Variants in ITPR2 observed in about 807,000 individuals in gnomAD.
ITPR2 encodes inositol 1,4,5-trisphosphate receptor type 2.
A neutral mutation model predicts 317.1 loss-of-function variants in ITPR2; 207 were observed. The ratio of observed to expected loss-of-function variants is 0.65; its 90% CI spans 0.58 to 0.73. The LOEUF is 0.73. ITPR2 is among the 30% of genes least tolerant of loss of function. The pLI is 0.00. For missense variants in ITPR2, 2,613 were observed against 3,284.0 expected (o/e 0.80, Z 4.99); for synonymous variants, 1,156 against 1,149.1 (o/e 1.01, Z -0.12).
chr12:26,464,439 G>C (rs568061940), intron 45 of ITPR2, among the ~76,000 whole-genome samples: 1 of 152,270 alleles, frequency 6.6e-6, no homozygotes, highest in East Asian at 1.9e-4. Flanking sequence ...TAGCGCCACT[G>C]ATCTAAGAGG....
At chr12:26,496,989 C>T (rs1481679278) in intron 37 of ITPR2, among the ~76,000 whole-genome samples, 1 of 151,594 alleles carries the variant, frequency 6.6e-6, no homozygotes, top group African/African-American at 2.4e-5. Context: ...CATTTAAGCT[C>T]CAAATTTAAG....
intron 18 of ITPR2, among the ~76,000 whole-genome samples, chr12:26,657,371 A>G (rs546056853): frequency 6.6e-6 from 1 of 152,274 alleles, no homozygotes; most frequent in East Asian, 1.9e-4. Context: ...CAATTTCCTT[A>G]GCTCCATGTC....
intron 1 of ITPR2, among the ~76,000 whole-genome samples, chr12:26,829,808 T>C (rs1172173065): frequency 1.3e-5 from 2 of 152,236 alleles, no homozygotes; most frequent in African/African-American, 4.8e-5. Flanking sequence ...TCTGAAGTAC[T>C]ACAAAGTTAT....
chr12:26,715,997 T>C (rs996093876), intron 6 of ITPR2, 147 bp downstream of exon 6: 1 of 697,598 alleles, frequency 1.4e-6, no homozygotes, highest in Non-Finnish European at 2.4e-6. Flanking sequence ...TAGCAATAAC[T>C]AATCACAGCT....
chr12:26,442,010 TATCAC>T (rs2136735248), intron 46 of ITPR2, among the ~76,000 whole-genome samples: 2 of 152,208 alleles, frequency 1.3e-5, no homozygotes, highest in Non-Finnish European at 2.9e-5. Flanking sequence ...CCATCTTCGA[TATCAC>T]CTCTCACTTT....
At chr12:26,791,087 G>A (rs761438284) in intron 1 of ITPR2, among the ~76,000 whole-genome samples, 1 of 152,124 alleles carries the variant, frequency 6.6e-6, no homozygotes, top group African/African-American at 2.4e-5. Flanking sequence ...TGCCTTTGTA[G>A]CTACAACAAC....
chr12:26,805,972 C>G (rs1036451395), intron 1 of ITPR2, among the ~76,000 whole-genome samples: 15 of 152,070 alleles, frequency 9.9e-5, no homozygotes, highest in African/African-American at 3.6e-4. Context: ...ATCCCTCTGG[C>G]TGCTGGGTTG....
At chr12:26,497,185 G>GCT (rs1381035180) in intron 37 of ITPR2, among the ~76,000 whole-genome samples, 8 of 132,840 alleles carry the variant, frequency 6.0e-5, no homozygotes, top group Admixed American at 3.2e-4. Context: ...ACGGAGTCTC[G>GCT]CTCTGTGGCC....
chr12:26,761,698 G>A (rs775379853), intron 2 of ITPR2, among the ~76,000 whole-genome samples: 10 of 152,230 alleles, frequency 6.6e-5, no homozygotes, highest in Non-Finnish European at 1.5e-4. Context: ...TCAGGAGACT[G>A]AGGCAGGAGG....
chr12:26,556,185 C>T lies in ITPR2; in HGVS notation c.4964+48G>A, dbSNP rs369784085. 9.4e-6 allele frequency: 15 copies of T among 1,592,032 alleles called. 1 individual carries two copies. In the African/African-American group the frequency reaches 1.9e-4, roughly 20 times the overall value. On this transcript the variant is annotated intron_variant, in intron 36 of 56. Coordinates refer to ENST00000381340, the MANE Select transcript of ITPR2 (RefSeq NM_002223.4). The stretch of plus-strand genomic sequence containing the variant: ...AGTATAAAGCGGAAATGTTAGAGGC[C>T]ATGTCAGTTTGACGACACTAGCAGA...
At position 26,580,125 on chromosome 12, in the gene ITPR2, C is replaced by T. The variant is rs370378907; in HGVS notation, c.4411G>A (p.Ala1471Thr). ...ACACACTTTTCCAAAAAGATGTCTG[C>T]ATGTTTCCTGTCTGTAGTTGTGTTG... is the stretch of plus-strand genomic sequence containing the variant. ...VCNTTTDRKH[A>T]DIFLEKCVTE... Residue 1471 changes from alanine (A) to threonine (T), a missense_variant, in exon 33 of 57, where the codon GCA (alanine) becomes ACA (threonine). Physicochemically the swap from Ala to Thr is moderately conservative, Grantham distance 58 (BLOSUM62 0). Transcript: ENST00000381340. 3.7e-6 allele frequency: 6 copies of T among 1,612,380 alleles called. No homozygotes were observed. The highest frequency in any genetic ancestry group is 1.7e-5 in the Admixed American group (1 of 59,962).
intron 32 of ITPR2, among the ~76,000 whole-genome samples, chr12:26,593,729 A>AC (rs1945763438): frequency 1.2e-5 from 1 of 85,680 alleles, no homozygotes; most frequent in African/African-American, 3.7e-5. Flanking sequence ...AATCATTGCT[A>AC]TTTTTTTGTT....
intron 1 of ITPR2, among the ~76,000 whole-genome samples, chr12:26,826,983 A>G (rs1400320099): frequency 6.6e-6 from 1 of 152,208 alleles, no homozygotes; most frequent in Non-Finnish European, 1.5e-5. Flanking sequence ...GACAAATCCT[A>G]GTATAGAAAA....
intron 2 of ITPR2, among the ~76,000 whole-genome samples, chr12:26,767,005 C>A (rs1251276349): frequency 1.3e-5 from 2 of 151,990 alleles, no homozygotes; most frequent in Non-Finnish European, 2.9e-5. Context: ...ATTATTTTTT[C>A]CTCCTATAAT....
Position 26,658,022 on chromosome 12 carries a change from G to C in ITPR2, c.1995C>G (p.Leu665=). ...TTATCTGGGCTTACTTAGTTTGAAT[G>C]AGAATGTCTGCATTGCCTGGACTCA... ...FMLSPGNADI[L]IQTKVVSMQA... is the part of the protein sequence containing the mutation. Residue 665 remains leucine, a synonymous_variant, in exon 17 of 57, where the codon CTC becomes CTG. Coordinates refer to ENST00000381340, the MANE Select transcript of ITPR2 (RefSeq NM_002223.4). 1 of 1,610,944 alleles carries C rather than the reference G, an allele frequency of 6.2e-7. No homozygotes were observed. The highest frequency in any genetic ancestry group is 8.5e-7 in the Non-Finnish European group (1 of 1,179,032).
At chr12:26,626,895 G>A (rs530683872) in intron 23 of ITPR2, among the ~76,000 whole-genome samples, 2 of 152,144 alleles carry the variant, frequency 1.3e-5, no homozygotes, top group South Asian at 2.1e-4. Flanking sequence ...TCCATTAGCC[G>A]GCTAAATCTT....
At chr12:26,360,815 A>G (rs1938801920) in intron 55 of ITPR2, among the ~76,000 whole-genome samples, 1 of 152,166 alleles carries the variant, frequency 6.6e-6, no homozygotes, top group South Asian at 2.1e-4. Context: ...GTTTGATGAC[A>G]TCTTTGCATG....
intron 55 of ITPR2, among the ~76,000 whole-genome samples, chr12:26,364,262 A>G (rs746792127): frequency 9.9e-5 from 15 of 152,158 alleles, no homozygotes; most frequent in Non-Finnish European, 1.9e-4. Flanking sequence ...CAGGCAGACT[A>G]TATTATTTAT....
intron 37 of ITPR2, among the ~76,000 whole-genome samples, chr12:26,503,704 T>C (rs1943124458): frequency 6.6e-6 from 1 of 152,230 alleles, no homozygotes; most frequent in African/African-American, 2.4e-5. Flanking sequence ...ATATTTACAC[T>C]GCAAGGCTAT....
Sources: allele counts gnomAD v4.1 joint callset (sites outside exome capture counted in the v4.1 genomes callset), GRCh38; gene constraint gnomAD v4.1.1; transcripts MANE v1.5; gene names NCBI Gene and HGNC (gene_info 2026-07-23, HGNC 2026-07-21).